PDE9A: variants seen among roughly 807,000 people sequenced by gnomAD.
The protein encoded by PDE9A is high affinity cGMP-specific 3',5'-cyclic phosphodiesterase 9A.
In PDE9A, 60 loss-of-function variants were observed where a neutral mutation model predicts 87.4. That is an observed-to-expected ratio of 0.69 (90% confidence interval 0.56 to 0.85). The LOEUF is 0.85. Among genes scored for constraint, PDE9A ranks in the 40% least tolerant of loss-of-function variants. The probability of loss-of-function intolerance (pLI) is 0.00; values close to 1 mark genes in which losing one functional copy is unlikely to be tolerated. For synonymous variants in PDE9A, 272 were observed against 279.4 expected, an observed-to-expected ratio of 0.97 and a Z score of 0.27; for missense variants, 665 against 779.0, an observed-to-expected ratio of 0.85 and a Z score of 1.74.
At chr21:42,665,214 T>C (rs907119773) in intron 1 of PDE9A, among the ~76,000 whole-genome samples, 2 of 152,208 alleles carry the variant, frequency 1.3e-5, no homozygotes, top group Non-Finnish European at 2.9e-5. Context: ...GCCTCCTCCC[T>C]GGAGTCCTGG....
Position 42,662,055 on chromosome 21 carries a change from G to A in PDE9A, c.69+8172G>A, listed in dbSNP as rs530053774. On this transcript the variant is annotated intron_variant, in intron 1 of 19. Transcript: ENST00000291539. ...TGTGCCTCAGTGTCTCTGTGAAGTGGGGGGAAGTTTTTGGAAGATTAAGTG... is the reference window on the plus strand; with the variant it reads ...TGTGCCTCAGTGTCTCTGTGAAGTGAGGGGAAGTTTTTGGAAGATTAAGTG... Among the ~76,000 whole-genome samples, 3 of 152,290 alleles carry A rather than the reference G, an allele frequency of 2.0e-5. No individual in the cohort carries two copies. In the East Asian group the frequency reaches 5.8e-4, roughly 29 times the overall value.
At position 42,705,132 on chromosome 21, in the gene PDE9A, C is replaced by T. The variant is rs2245726; in HGVS notation, c.262+6121C>T. Among the ~76,000 whole-genome samples, 45,190 of 151,988 alleles carry T rather than the reference C, an allele frequency of 0.3. 6,948 individuals are homozygous for T. The highest frequency in any genetic ancestry group is 0.52 in the East Asian group (2,661 of 5,144). ...AGTAGAAGGAATGGCCCCGTCCACG[C>T]GAAGGTCTGTGTTCACCAAGCATCT... On this transcript the variant is annotated intron_variant, in intron 4 of 19. Transcript: ENST00000291539. The surrounding 1 kb of genome is among the most constrained non-coding windows in gnomAD (Gnocchi z 4.3).
rs777765183 is a variant in PDE9A at position 42,653,873 on chromosome 21, G to A, written c.59G>A (p.Arg20His). 20 of 1,555,562 alleles carry A rather than the reference G, an allele frequency of 1.3e-5. No individual in the cohort carries two copies. The highest frequency in any genetic ancestry group is 1.2e-4 in the East Asian group (5 of 40,390). Residue 20 changes from arginine (R) to histidine (H), a missense_variant, in exon 1 of 20, where the codon CGC becomes CAC. Physicochemically the swap from Arg to His is conservative, Grantham distance 29 (BLOSUM62 0). Transcript: ENST00000291539. ...PKAIYLDIDG[R>H]IQKVIFSKYC... ...GCCATCTACCTGGACATCGATGGAC[G>A]CATTCAGAAGGTAGCCCCTCCCCCA...
intron 1 of PDE9A, among the ~76,000 whole-genome samples, chr21:42,663,860 C>G (rs954357108): frequency 6.6e-6 from 1 of 152,234 alleles, no homozygotes; most frequent in African/African-American, 2.4e-5. Flanking sequence ...AAGCCCAGGC[C>G]TCTCAGCATC....
intron 4 of PDE9A, among the ~76,000 whole-genome samples, chr21:42,711,505 C>T (rs958471412): frequency 6.6e-6 from 1 of 151,988 alleles, no homozygotes; most frequent in Non-Finnish European, 1.5e-5. Flanking sequence ...CCCACCTCGG[C>T]CTCCCAAAGT....
At chr21:42,717,231 T>A (rs1387139872) in intron 4 of PDE9A, among the ~76,000 whole-genome samples, 1 of 151,490 alleles carries the variant, frequency 6.6e-6, no homozygotes, top group Non-Finnish European at 1.5e-5. Flanking sequence ...TTTCTTTTAA[T>A]GTTTCTTGCA....
At chr21:42,762,346 T>C (rs973943979) in intron 14 of PDE9A, 107 bp downstream of exon 14, 2 of 1,207,670 alleles carry the variant, frequency 1.7e-6, no homozygotes, top group Non-Finnish European at 2.3e-6. Flanking sequence ...GCCACAGCAG[T>C]GCCCTGGGGA....
At chr21:42,685,209 AC>A (rs1327235052) in intron 1 of PDE9A, among the ~76,000 whole-genome samples, 1 of 151,436 alleles carries the variant, frequency 6.6e-6, no homozygotes, top group Admixed American at 6.6e-5. Flanking sequence ...AGCTCGAAAT[AC>A]CCCCTCCCTG....
At chr21:42,772,387 TC>T (rs2057102045) in intron 18 of PDE9A, 51 bp from the exon 19 acceptor site, 16 of 1,205,704 alleles carry the variant, frequency 1.3e-5, no homozygotes, top group Non-Finnish European at 4.8e-6. Context: ...AGGCAGACAC[TC>T]CCCTGCTGTC....
rs1176281203 is a variant in PDE9A, at chr21:42,704,784, A to G, written c.262+5773A>G. 6.6e-6 allele frequency among the ~76,000 whole-genome samples: 1 copy of G among 152,200 alleles called. No homozygotes were observed. Among genetic ancestry groups the G allele is most frequent in the African/African-American group, 2.4e-5 (1 of 41,446 alleles). On this transcript the variant is annotated intron_variant, in intron 4 of 19. Coordinates refer to ENST00000291539, the MANE Select transcript of PDE9A (RefSeq NM_002606.3). The surrounding 1 kb of genome is among the most constrained non-coding windows in gnomAD (Gnocchi z 5.3). ...GTGGGGGCAGGGTGCAGGGAGGCCAACGCCACACAGCCCCACACCCAGCCT... is the reference window on the plus strand; with the variant it reads ...GTGGGGGCAGGGTGCAGGGAGGCCAGCGCCACACAGCCCCACACCCAGCCT...
chr21:42,689,930 A>G (rs1363094908), intron 3 of PDE9A: 1 of 985,004 alleles, frequency 1.0e-6, no homozygotes, highest in Non-Finnish European at 1.2e-6. Flanking sequence ...ACACACGCGG[A>G]TGAGGATACA....
Position 42,758,761 on chromosome 21 carries a change from C to T in PDE9A, c.811-238C>T, listed in dbSNP as rs112053677. ...GCCCCAGGATCCACCTGCCAGGAGA[C>T]CCCCAGTGTGCTCTCAAACCCCCAC... On this transcript the variant is annotated intron_variant, in intron 10 of 19. Coordinates refer to ENST00000291539, the MANE Select transcript of PDE9A (RefSeq NM_002606.3). 53 of 486,262 alleles carry T rather than the reference C, an allele frequency of 1.1e-4. 1 individual carries two copies. In the South Asian group the frequency reaches 1.1e-3, roughly 10 times the overall value. 30.1% of individuals were successfully genotyped at this position (486,262 alleles called of 1,614,324 possible). A position where few individuals can be genotyped will look rare whatever the true frequency, so the allele number is the denominator to read the frequency against.
chr21:42,712,944 A>G (rs1279750655), intron 4 of PDE9A, among the ~76,000 whole-genome samples: 1 of 152,170 alleles, frequency 6.6e-6, no homozygotes, highest in African/African-American at 2.4e-5. Context: ...TTGATTTTCA[A>G]ATGTTAAAAC....
Position 42,718,647 on chromosome 21 carries a change from G to A in PDE9A, c.263-13123G>A, listed in dbSNP as rs189255486. On this transcript the variant is annotated intron_variant, in intron 4 of 19. Transcript: ENST00000291539. ...ACTCTTGTTCATAGATTTGTCTCTC[G>A]AGACTCCCCTCTGTTTACGATTTAC... Among the ~76,000 whole-genome samples, 13 of 151,236 alleles carry A rather than the reference G, an allele frequency of 8.6e-5. No homozygotes were observed. In the East Asian group the frequency reaches 9.7e-4, roughly 11 times the overall value.
intron 7 of PDE9A, among the ~76,000 whole-genome samples, chr21:42,734,927 T>A (rs1359046363): frequency 6.6e-6 from 1 of 152,064 alleles, no homozygotes; most frequent in African/African-American, 2.4e-5. Flanking sequence ...CTGGAACGAG[T>A]CACTTCCCTG....
At position 42,697,613 on chromosome 21, in the gene PDE9A, T is replaced by A. The variant is rs935446836; in HGVS notation, c.219-1355T>A. On this transcript the variant is annotated intron_variant, in intron 3 of 19. Coordinates refer to ENST00000291539, the MANE Select transcript of PDE9A (RefSeq NM_002606.3). ...AGAGTCTGGAGGCTGAAATCCAAGA[T>A]GAGGGTGTGGGCAGGTTCTGTTCCT... 5 of 747,124 alleles carry A rather than the reference T, an allele frequency of 6.7e-6. No homozygotes were observed. In the African/African-American group the frequency reaches 8.6e-5, roughly 13 times the overall value. 46.3% of individuals were successfully genotyped at this position (747,124 alleles called of 1,614,324 possible).
At chr21:42,706,366 C>T (rs1210325325) in intron 4 of PDE9A, among the ~76,000 whole-genome samples, 2 of 152,156 alleles carry the variant, frequency 1.3e-5, no homozygotes, top group South Asian at 4.1e-4. Context: ...CAACCTCAGC[C>T]AGGCATGGTG....
intron 7 of PDE9A, 76 bp from the exon 8 acceptor site, chr21:42,743,700 C>G (rs1001051753): frequency 2.6e-5 from 23 of 901,164 alleles, no homozygotes; most frequent in South Asian, 8.8e-5. Context: ...CACAGGGAGC[C>G]CTTAGTTACC....
chr21:42,732,194 C>T, intron 6 of PDE9A, 70 bp downstream of exon 6: 1 of 1,470,620 alleles, frequency 6.8e-7, no homozygotes, highest in Non-Finnish European at 9.4e-7. Flanking sequence ...AGGGCAGGCC[C>T]CAGGCTCTGA....
Sources: gnomAD v4.1 joint callset for allele counts (sites outside exome capture counted in the v4.1 genomes callset) on GRCh38, gnomAD v4.1.1 for gene constraint, Gnocchi (gnomAD v3.1) non-coding constraint, MANE v1.5 for transcripts, NCBI Gene and HGNC (gene_info 2026-07-23, HGNC 2026-07-21) for gene names.